Variants in UPP2 observed in about 807,000 individuals in gnomAD.
UPP2 encodes the protein UPase 2.
In UPP2, 23 loss-of-function variants were observed where a neutral mutation model predicts 26.7. The observed-to-expected ratio is 0.86, with a 90% CI of 0.62 to 1.22. UPP2 has a LOEUF of 1.22. UPP2 is among the 50% of genes most tolerant of loss of function. The pLI is 0.00. For synonymous variants in UPP2, 127 were observed against 141.3 expected (o/e 0.90, Z 0.72); for missense variants, 387 against 396.7 (o/e 0.98, Z 0.21).
chr2:158,008,263 A>C (rs1683524810), intron 2 of UPP2, among the ~76,000 whole-genome samples: 1 of 152,202 alleles, frequency 6.6e-6, no homozygotes, highest in South Asian at 2.1e-4. Context: ...ATGTAAATTT[A>C]CTATTTTGAG....
At chr2:158,068,340 C>T (rs1388665490) in intron 3 of UPP2, among the ~76,000 whole-genome samples, 4 of 152,076 alleles carry the variant, frequency 2.6e-5, no homozygotes, top group South Asian at 4.1e-4. Context: ...CTAGTTAACC[C>T]GAGGAGAAAC....
At chr2:158,069,143 C>T (rs528478967) in intron 3 of UPP2, among the ~76,000 whole-genome samples, 1 of 151,998 alleles carries the variant, frequency 6.6e-6, no homozygotes, top group South Asian at 2.1e-4. Flanking sequence ...CTAGTCGCCT[C>T]TGGAACAAAT....
At chr2:158,127,484 C>A (rs1408969891) in intron 6 of UPP2, among the ~76,000 whole-genome samples, 1 of 151,778 alleles carries the variant, frequency 6.6e-6, no homozygotes, top group Non-Finnish European at 1.5e-5. Context: ...GGCCACTAGA[C>A]TCTTTTTGAC....
At chr2:158,080,533 A>T (rs1305850293) in intron 3 of UPP2, among the ~76,000 whole-genome samples, 1 of 152,148 alleles carries the variant, frequency 6.6e-6, no homozygotes, top group Non-Finnish European at 1.5e-5. Context: ...ATTTATCCAC[A>T]CACTGATTAT....
chr2:158,013,152 AT>A (rs983849514), intron 2 of UPP2, among the ~76,000 whole-genome samples: 5 of 152,172 alleles, frequency 3.3e-5, no homozygotes, highest in African/African-American at 1.2e-4. Context: ...AAACTGGCTA[AT>A]TTTTTTAAAA....
chr2:158,032,104 T>G (rs970861130), intron 3 of UPP2, among the ~76,000 whole-genome samples: 3 of 152,150 alleles, frequency 2.0e-5, no homozygotes, highest in African/African-American at 7.2e-5. Flanking sequence ...TCAAAAGAAT[T>G]GGGGAATCTC....
At chr2:158,069,693 A>G (rs942820428) in intron 3 of UPP2, among the ~76,000 whole-genome samples, 1 of 152,202 alleles carries the variant, frequency 6.6e-6, no homozygotes, top group African/African-American at 2.4e-5. Flanking sequence ...TTCCACTGGC[A>G]TGGCACCTCA....
At chr2:158,067,229 T>C (rs889365331) in intron 3 of UPP2, among the ~76,000 whole-genome samples, 2 of 152,136 alleles carry the variant, frequency 1.3e-5, no homozygotes, top group African/African-American at 4.8e-5. Context: ...GTATTAAGGT[T>C]AGTTCAACCA....
At chr2:158,109,942 T>C (rs1683277141) in intron 2 of UPP2, among the ~76,000 whole-genome samples, 1 of 152,186 alleles carries the variant, frequency 6.6e-6, no homozygotes, top group South Asian at 2.1e-4. Flanking sequence ...ATATTATATC[T>C]ACAGAATGTG....
At chr2:158,068,171 T>C (rs1218279330) in intron 3 of UPP2, among the ~76,000 whole-genome samples, 1 of 152,190 alleles carries the variant, frequency 6.6e-6, no homozygotes, top group African/African-American at 2.4e-5. Context: ...CTCTACAACC[T>C]CATCTGTTGG....
At chr2:158,000,067 A>T (rs967977871) in intron 2 of UPP2, among the ~76,000 whole-genome samples, 3 of 147,490 alleles carry the variant, frequency 2.0e-5, no homozygotes, top group African/African-American at 5.0e-5. Flanking sequence ...TGCCTTTCAA[A>T]TTTTTTTTTT....
intron 3 of UPP2, among the ~76,000 whole-genome samples, chr2:158,038,615 G>A (rs989116042): frequency 6.6e-6 from 1 of 152,196 alleles, no homozygotes; most frequent in Non-Finnish European, 1.5e-5. Flanking sequence ...TTTTATTGCA[G>A]AGAAAGAAAA....
intron 1 of UPP2, among the ~76,000 whole-genome samples, chr2:158,104,987 G>A (rs1683155842): frequency 2.0e-5 from 1 of 49,764 alleles, no homozygotes; most frequent in Non-Finnish European, 3.5e-5. Flanking sequence ...GAAGAGAAGG[G>A]AAGGGAAGGG....
chr2:158,120,717 A>G (rs1364484801), intron 4 of UPP2, among the ~76,000 whole-genome samples: 1 of 151,906 alleles, frequency 6.6e-6, no homozygotes, highest in African/African-American at 2.4e-5. Flanking sequence ...GTTGCCTTTT[A>G]ATTTTTTCAT....
chr2:158,054,687 G>T (rs1386233395), intron 3 of UPP2, among the ~76,000 whole-genome samples: 1 of 152,162 alleles, frequency 6.6e-6, no homozygotes, highest in East Asian at 1.9e-4. Context: ...AACATCTGCT[G>T]CTAGTATTTT....
chr2:158,117,823 G>C lies in UPP2; in HGVS notation c.340-1G>C, dbSNP rs1181251605. 2.5e-6 allele frequency: 4 copies of C among 1,604,526 alleles called. No individual in the cohort carries two copies. Among genetic ancestry groups the C allele is most frequent in the African/African-American group, 1.3e-5 (1 of 74,726 alleles). On this transcript the variant is annotated splice_acceptor_variant, in intron 3 of 6. Transcript: ENST00000005756. LOFTEE classifies it high-confidence loss of function. ...TGATGACTTTCTCTTTCTCTCAATA[G>C]CACGGCATGGGCATCCCCTCCATTT... is the stretch of plus-strand genomic sequence containing the variant.
chr2:158,113,824 C>T (rs984197606), intron 2 of UPP2, among the ~76,000 whole-genome samples: 1 of 152,164 alleles, frequency 6.6e-6, no homozygotes, highest in Admixed American at 6.5e-5. Context: ...GCCTTTTCCT[C>T]ACTAGAGGAC....
At chr2:158,054,039 G>A (rs1054663272) in intron 3 of UPP2, among the ~76,000 whole-genome samples, 2 of 152,190 alleles carry the variant, frequency 1.3e-5, no homozygotes, top group Non-Finnish European at 2.9e-5. Flanking sequence ...AGGAGACCGA[G>A]GTGGGTGGAT....
chr2:158,114,998 A>G (rs1683393982), intron 2 of UPP2, 103 bp from the exon 3 acceptor site: 1 of 1,170,264 alleles, frequency 8.5e-7, no homozygotes, highest in Non-Finnish European at 1.1e-6. Context: ...ACGTGTTCTT[A>G]AGTAAATTAA....
Sources: gnomAD v4.1 joint callset for allele counts (sites outside exome capture counted in the v4.1 genomes callset) on GRCh38, gnomAD v4.1.1 for gene constraint, MANE v1.5 for transcripts, NCBI Gene and HGNC (gene_info 2026-07-23, HGNC 2026-07-21) for gene names.